ZNF43: variants seen among roughly 807,000 people sequenced by gnomAD.
ZNF43 encodes zinc finger protein 39-like 1 (KOX 27).
In ZNF43, 44 loss-of-function variants were observed where a neutral mutation model predicts 68.4. That is an observed-to-expected ratio of 0.64 (90% CI 0.51 to 0.83). The LOEUF is 0.83. ZNF43 is among the 40% of genes least tolerant of loss of function. The pLI is 0.00. For synonymous variants in ZNF43, 308 were observed against 307.8 expected, an observed-to-expected ratio of 1.00 and a Z score of -0.01; for missense variants, 896 against 933.2, an observed-to-expected ratio of 0.96 and a Z score of 0.52.
intron 1 of ZNF43, among the ~76,000 whole-genome samples, chr19:21,828,627 G>C (rs1458396663): frequency 6.6e-6 from 1 of 152,000 alleles, no homozygotes; most frequent in African/African-American, 2.4e-5. Flanking sequence ...TGAGGCAGGA[G>C]AATCACTTGA....
intron 1 of ZNF43, among the ~76,000 whole-genome samples, chr19:21,844,964 T>C (rs926830252): frequency 7.5e-6 from 1 of 132,942 alleles, no homozygotes; most frequent in African/African-American, 3.0e-5. Context: ...ATGTTACAAT[T>C]ACACCTATGG....
chr19:21,832,423 A>T (rs1048348323), intron 1 of ZNF43, among the ~76,000 whole-genome samples: 2 of 152,222 alleles, frequency 1.3e-5, no homozygotes, highest in African/African-American at 2.4e-5. Context: ...AATTATTTTT[A>T]AAAAAACTTT....
rs1393374199 is a variant in ZNF43, at chr19:21,808,928, T to C, written c.1109A>G (p.Tyr370Cys). 1 of 1,613,780 alleles carries C rather than the reference T, an allele frequency of 6.2e-7. No homozygotes were observed. The highest frequency in any genetic ancestry group is 1.7e-5 in the Admixed American group (1 of 60,006). ...HKRIHTAEKF[Y>C]KCTECGEAFS... ...AGCTTCACCACATTCTGTACATTTA[T>C]AGAATTTCTCTGCAGTATGGATTCT... The change falls in exon 4 of 4, where the codon TAT (tyrosine) becomes TGT (cysteine). Residue 370 changes from tyrosine (Y) to cysteine (C), a missense_variant. By Grantham distance (194) the Tyr-to-Cys change is radical (BLOSUM62 -2). Transcript: ENST00000354959.
intron 1 of ZNF43, among the ~76,000 whole-genome samples, chr19:21,832,883 T>C (rs1411306804): frequency 2.0e-5 from 3 of 151,980 alleles, no homozygotes; most frequent in Non-Finnish European, 4.4e-5. Context: ...AAAAAAATTA[T>C]GTGGTAAACA....
At position 21,819,141 on chromosome 19, in the gene ZNF43, T is replaced by A; in HGVS notation, c.84A>T (p.Leu28Phe). 6.2e-7 allele frequency: 1 copy of A among 1,611,714 alleles called. No individual in the cohort carries two copies. Residue 28 changes from leucine to phenylalanine, a missense_variant, in exon 2 of 4, where the codon TTA becomes TTT. Leu to Phe is a conservative substitution (Grantham distance 22). Coordinates refer to ENST00000354959, the MANE Select transcript of ZNF43 (RefSeq NM_003423.4). ...AGTTCTCTAACATCACATTCCTATA[T>A]AAATTCTGCTGTGCAATGTCCAGGC... ...WQCLDIAQQN[L>F]YRNVMLENYR...
In ZNF43 at chr19:21,809,398, G is replaced by A. The variant is rs1183807405; in HGVS notation, c.639C>T (p.Cys213=). The A allele has an allele frequency of 5.6e-6, 9 of 1,613,332 alleles. No individual in the cohort carries two copies. Among genetic ancestry groups the A allele is most frequent in the Admixed American group, 5.0e-5 (3 of 59,890 alleles). Residue 213 remains cysteine, a synonymous_variant, in exon 4 of 4, where the codon TGC becomes TGT. Coordinates refer to ENST00000354959, the MANE Select transcript of ZNF43 (RefSeq NM_003423.4). ...TCTTATGTTTAGTGATGATTGAAGG[G>A]CAGTTAAAAGCTTTTCCACATTTTT... ...KCEKCGKAFN[C]PSIITKHKRI... is the part of the protein sequence containing the mutation.
At chr19:21,835,317 C>A (rs2145347280) in intron 1 of ZNF43, among the ~76,000 whole-genome samples, 1 of 145,890 alleles carries the variant, frequency 6.9e-6, no homozygotes, top group African/African-American at 2.5e-5. Context: ...AAGAAGGTGG[C>A]ATTTGGGAAT....
At chr19:21,817,828 T>C in intron 3 of ZNF43, 60 bp downstream of exon 3, 1 of 1,510,342 alleles carries the variant, frequency 6.6e-7, no homozygotes, top group Non-Finnish European at 9.1e-7. Flanking sequence ...GGACTGGCTT[T>C]CCCCTTAACC....
chr19:21,808,506 T>A lies in ZNF43; in HGVS notation c.1531A>T (p.Lys511Ter), dbSNP rs781707064. The change falls in exon 4 of 4, where the codon AAA becomes TAA. Residue 511 changes from lysine to a stop codon, truncating the protein, a stop_gained. Transcript: ENST00000354959. LOFTEE classifies it high-confidence loss of function. The stretch of plus-strand genomic sequence containing the variant: ...AAAGCTTTGCCACATTCTTCACATT[T>A]GTAGGGTTTCTTTTCAATGTGAATT... ...KKIHIEKKPYKCEECGKAFKW... is the reference protein window; with the variant it reads ...KKIHIEKKPY 6.2e-7 allele frequency: 1 copy of A among 1,613,248 alleles called. No homozygotes were observed. Among genetic ancestry groups the A allele is most frequent in the Non-Finnish European group, 8.5e-7 (1 of 1,179,780 alleles).
rs2036992907 is a variant in ZNF43 at position 21,807,499 on chromosome 19, TGTA to T, written c.*105_*107del. The T allele has an allele frequency of 9.0e-7, 1 of 1,111,984 alleles. No individual in the cohort carries two copies. Among genetic ancestry groups the T allele is most frequent in the Non-Finnish European group, 1.2e-6 (1 of 808,302 alleles). The allele number at this position is 1,111,984 out of a possible 1,614,324, so 68.9% of individuals were successfully genotyped here. On this transcript the variant is annotated 3_prime_UTR_variant, in exon 4 of 4. Transcript: ENST00000354959. ...AAAGTTTTGCCACATTCTTCACACTTGTAGAAGTTTACTCCAATGTAAATTATC... is the reference window on the plus strand; with the variant it reads ...AAAGTTTTGCCACATTCTTCACACTTGAAGTTTACTCCAATGTAAATTATC...
chr19:21,812,032 A>G, intron 3 of ZNF43: 1 of 398,652 alleles, frequency 2.5e-6, no homozygotes, highest in Non-Finnish European at 4.4e-6. Flanking sequence ...ATCAAAGAAA[A>G]CATTCAATAG....
At chr19:21,824,030 CA>C (rs1001707939) in intron 1 of ZNF43, among the ~76,000 whole-genome samples, 1 of 151,012 alleles carries the variant, frequency 6.6e-6, no homozygotes, top group Non-Finnish European at 1.5e-5. Flanking sequence ...AAACACAAAA[CA>C]AAAAAAAATT....
intron 1 of ZNF43, among the ~76,000 whole-genome samples, chr19:21,825,711 C>T (rs185720041): frequency 1.6e-3 from 237 of 152,186 alleles, no homozygotes; most frequent in South Asian, 7.3e-3. Context: ...TTTCTGGGCC[C>T]CATGGTCTGT....
intron 1 of ZNF43, among the ~76,000 whole-genome samples, chr19:21,820,060 G>A (rs1036974336): frequency 2.0e-4 from 31 of 151,530 alleles, no homozygotes; most frequent in African/African-American, 6.1e-4. Context: ...TTAGCCAAGC[G>A]TGGTAGCACA....
intron 1 of ZNF43, among the ~76,000 whole-genome samples, chr19:21,844,525 AGCTAGGCAAGGTGTATCTCTTTTATT>A (rs1421043834): frequency 6.6e-6 from 1 of 151,970 alleles, no homozygotes; most frequent in Non-Finnish European, 1.5e-5. Flanking sequence ...TCTCAAGCCT[AGCTAGGCAAGGTGTATCTCTTTTATT>A]GCCTGGTTCA....
At chr19:21,813,216 C>G (rs1486141081) in intron 3 of ZNF43, among the ~76,000 whole-genome samples, 1 of 150,702 alleles carries the variant, frequency 6.6e-6, no homozygotes, top group East Asian at 1.9e-4. Flanking sequence ...GGACTCCAGC[C>G]TAGGCGACAA....
upstream of ZNF43, chr19:21,836,215 T>G: frequency 1.3e-6 from 2 of 1,484,522 alleles, no homozygotes; most frequent in East Asian, 2.5e-5. Context: ...AGCCGCCCTG[T>G]CCTCTCCTGC....
intron 3 of ZNF43, among the ~76,000 whole-genome samples, chr19:21,816,804 C>CA (rs977805116): frequency 6.6e-6 from 1 of 152,032 alleles, no homozygotes; most frequent in East Asian, 1.9e-4. Context: ...GACCCGACTG[C>CA]AAAAAACTGC....
upstream of ZNF43, chr19:21,836,233 C>T: frequency 7.1e-7 from 1 of 1,414,224 alleles, no homozygotes; most frequent in Non-Finnish European, 9.3e-7. Context: ...TGCCCCGTGC[C>T]TGATTGGACG....
Sources: allele counts gnomAD v4.1 joint callset (sites outside exome capture counted in the v4.1 genomes callset), GRCh38; gene constraint gnomAD v4.1.1; transcripts MANE v1.5; gene names NCBI Gene and HGNC (gene_info 2026-07-23, HGNC 2026-07-21).